The following DCLK1 variants were observed in gnomAD, a reference collection of about 807,000 sequenced individuals.
The protein encoded by DCLK1 is serine/threonine-protein kinase DCLK1.
A neutral mutation model predicts 86.2 loss-of-function variants in DCLK1; 16 were observed. The observed-to-expected ratio is 0.19, with a 90% CI of 0.13 to 0.28. DCLK1 has a LOEUF of 0.28. DCLK1 is among the 10% of genes least tolerant of loss of function. The pLI, the probability that DCLK1 is intolerant of heterozygous loss-of-function variation, is 1.00. For synonymous variants in DCLK1, 369 were observed against 370.5 expected (o/e 1.00, Z 0.05); for missense variants, 590 against 940.2 (o/e 0.63, Z 4.87).
intron 3 of DCLK1, among the ~76,000 whole-genome samples, chr13:36,065,296 G>T (rs548667780): frequency 1.3e-5 from 2 of 152,186 alleles, no homozygotes; most frequent in Non-Finnish European, 2.9e-5. Flanking sequence ...AATGAGACAT[G>T]ATGTTAAACA....
At chr13:36,077,793 C>A (rs1884263810) in intron 3 of DCLK1, among the ~76,000 whole-genome samples, 1 of 152,114 alleles carries the variant, frequency 6.6e-6, no homozygotes, top group Non-Finnish European at 1.5e-5. Flanking sequence ...GTATCAAAAC[C>A]TGCATTATTT....
chr13:35,916,152 G>T (rs1470184618), intron 4 of DCLK1, among the ~76,000 whole-genome samples: 1 of 152,116 alleles, frequency 6.6e-6, no homozygotes, highest in Non-Finnish European at 1.5e-5. Flanking sequence ...ATGCCAGGGA[G>T]CAAAACCCTA....
intron 16 of DCLK1, among the ~76,000 whole-genome samples, chr13:35,792,842 A>G (rs776286299): frequency 3.3e-5 from 5 of 152,222 alleles, no homozygotes; most frequent in Non-Finnish European, 7.3e-5. Context: ...AGAAATTTCT[A>G]AGGAGCAAGA....
chr13:35,855,829 C>T, intron 5 of DCLK1: 1 of 1,223,486 alleles, frequency 8.2e-7, no homozygotes. Context: ...AGCCCCAGTG[C>T]TGTCAGTACT....
rs1356762271 is a variant in DCLK1, at chr13:35,881,876, T to A, written c.824-10536A>T. On this transcript the variant is annotated intron_variant, in intron 4 of 16. Coordinates refer to ENST00000360631, the MANE Select transcript of DCLK1 (RefSeq NM_001330071.2). The stretch of plus-strand genomic sequence containing the variant: ...AGTTCACAAGGGAAAGAAGGTTGAC[T>A]GTGGAAACAGCAGGTGAACATCTCC... Among the ~76,000 whole-genome samples the A allele has an allele frequency of 3.9e-5, 6 of 152,206 alleles. No individual in the cohort carries two copies. In the East Asian group the frequency reaches 1.2e-3, roughly 29 times the overall value.
rs1287447310 is a variant in DCLK1 at position 35,877,320 on chromosome 13, C to T, written c.824-5980G>A. ...GAACCTCCACTTAGAAAGATCCTCC[C>T]CCCACTCAGAAACAGTTGGTAGGTA... On this transcript the variant is annotated intron_variant, in intron 4 of 16. Coordinates refer to ENST00000360631, the MANE Select transcript of DCLK1 (RefSeq NM_001330071.2). Among the ~76,000 whole-genome samples the T allele has an allele frequency of 4.6e-5, 7 of 152,160 alleles. No individual in the cohort carries two copies. The East Asian group carries it at 1.4e-3, about 29-fold the overall frequency.
chr13:35,834,633 G>A (rs891552048), intron 8 of DCLK1, among the ~76,000 whole-genome samples: 1 of 152,218 alleles, frequency 6.6e-6, no homozygotes, highest in Admixed American at 6.5e-5. Context: ...GGAGGTGTGA[G>A]GCCCAGGAAT....
intron 3 of DCLK1, among the ~76,000 whole-genome samples, chr13:35,977,404 G>A (rs1005981503): frequency 1.3e-5 from 2 of 152,202 alleles, no homozygotes; most frequent in African/African-American, 4.8e-5. Flanking sequence ...CTGAGGGCAA[G>A]CAAAGGATTG....
chr13:35,800,328 T>C (rs1228996072), intron 15 of DCLK1, among the ~76,000 whole-genome samples: 2 of 152,224 alleles, frequency 1.3e-5, no homozygotes, highest in African/African-American at 4.8e-5. Context: ...TCCTATTTTC[T>C]CCATTTCACA....
At chr13:36,094,694 C>T (rs1317645156) in intron 3 of DCLK1, among the ~76,000 whole-genome samples, 1 of 152,166 alleles carries the variant, frequency 6.6e-6, no homozygotes, top group Admixed American at 6.5e-5. Context: ...AGCTATCAGC[C>T]GGGAAGCACT....
chr13:35,828,905 G>A lies in DCLK1; in HGVS notation c.1230-598C>T, dbSNP rs532798925. Among the ~76,000 whole-genome samples the A allele has an allele frequency of 4.6e-5, 7 of 152,240 alleles. No individual in the cohort carries two copies. The South Asian group carries it at 1.2e-3, about 27-fold the overall frequency. On this transcript the variant is annotated intron_variant, in intron 8 of 16. Transcript: ENST00000360631. ...GAAGACTCTAGAGAAAGCACTCCACGCTCTTTAGACCTCAGTTCAGTGTGA... is the reference window on the plus strand; with the variant it reads ...GAAGACTCTAGAGAAAGCACTCCACACTCTTTAGACCTCAGTTCAGTGTGA...
chr13:35,876,158 G>GA (rs949215548), intron 4 of DCLK1, among the ~76,000 whole-genome samples: 1 of 151,916 alleles, frequency 6.6e-6, no homozygotes, highest in Non-Finnish European at 1.5e-5. Context: ...TAGTATATCA[G>GA]AAAAAAAGAG....
chr13:35,861,365 T>C (rs1167622220), intron 5 of DCLK1, among the ~76,000 whole-genome samples: 1 of 152,084 alleles, frequency 6.6e-6, no homozygotes, highest in African/African-American at 2.4e-5. Context: ...GATAGGGGAA[T>C]TGGGGACCAC....
rs760952881 is a variant in DCLK1 at position 35,991,925 on chromosome 13, T to G, written c.724-44468A>C. Among the ~76,000 whole-genome samples, 97 of 152,150 alleles carry G rather than the reference T, an allele frequency of 6.4e-4. 1 individual carries two copies. The highest frequency in any genetic ancestry group is 6.5e-4 in the Admixed American group (10 of 15,276). On this transcript the variant is annotated intron_variant, in intron 3 of 16. Transcript: ENST00000360631. ...ATCTTATACACGGCATTGATCAAGC[T>G]TTTTCTAATGCCTGGAAAGTGCCAC... is the stretch of plus-strand genomic sequence containing the variant.
intron 3 of DCLK1, among the ~76,000 whole-genome samples, chr13:36,107,803 CA>C (rs758564704): frequency 4.5e-4 from 68 of 152,104 alleles, no homozygotes; most frequent in Admixed American, 7.9e-4. Flanking sequence ...ATCTTTGTAG[CA>C]AATCTGGTAA....
At chr13:35,813,227 A>G (rs999505057) in intron 11 of DCLK1, among the ~76,000 whole-genome samples, 2 of 152,224 alleles carry the variant, frequency 1.3e-5, no homozygotes, top group Admixed American at 6.5e-5. Context: ...GCTAGGTCCA[A>G]ACATTCATTC....
chr13:35,949,012 C>A (rs988300576), intron 3 of DCLK1, among the ~76,000 whole-genome samples: 4 of 152,154 alleles, frequency 2.6e-5, no homozygotes, highest in African/African-American at 9.7e-5. Context: ...AATCAACCCC[C>A]TATGGCCATT....
chr13:35,933,768 G>A (rs375920816), intron 4 of DCLK1, among the ~76,000 whole-genome samples: 1 of 152,218 alleles, frequency 6.6e-6, no homozygotes, highest in Non-Finnish European at 1.5e-5. Context: ...TGTGATGGGA[G>A]GGGCTGCTGT....
At chr13:35,800,399 C>G (rs1343110013) in intron 15 of DCLK1, among the ~76,000 whole-genome samples, 8 of 152,196 alleles carry the variant, frequency 5.3e-5, no homozygotes, top group Admixed American at 3.9e-4. Context: ...GGTGAGTAAG[C>G]TGATGCTCCT....
Sources: allele counts gnomAD v4.1 joint callset (sites outside exome capture counted in the v4.1 genomes callset), GRCh38; gene constraint gnomAD v4.1.1; transcripts MANE v1.5; gene names NCBI Gene and HGNC (gene_info 2026-07-23, HGNC 2026-07-21).